Variants in CNTN6 observed in about 807,000 individuals in gnomAD.
The protein encoded by CNTN6 is contactin 6.
CNTN6 carries 137 observed loss-of-function variants against 122.8 expected under a neutral mutation model. The observed-to-expected ratio is 1.12, with a 90% CI of 0.97 to 1.29. The LOEUF (loss-of-function observed/expected upper bound fraction) is 1.29, where lower values mean the gene tolerates loss of function less well. Among genes scored for constraint, CNTN6 ranks in the 50% most tolerant of loss-of-function variants. The pLI, the probability that CNTN6 is intolerant of heterozygous loss-of-function variation, is 0.00. For missense variants in CNTN6, 1,634 were observed against 1,223.4 expected, an observed-to-expected ratio of 1.34 and a Z score of -5.01; for synonymous variants, 570 against 426.0, an observed-to-expected ratio of 1.34 and a Z score of -4.16.
intron 1 of CNTN6, among the ~76,000 whole-genome samples, chr3:1,141,681 C>T (rs913684447): frequency 6.6e-6 from 1 of 152,116 alleles, no homozygotes; most frequent in African/African-American, 2.4e-5. Flanking sequence ...AATTCTCCAG[C>T]GTCCAAGTCC....
intron 4 of CNTN6, among the ~76,000 whole-genome samples, chr3:1,240,863 G>C (rs1245829329): frequency 6.6e-6 from 1 of 152,156 alleles, no homozygotes; most frequent in African/African-American, 2.4e-5. Flanking sequence ...AGTCTGAAAA[G>C]AGAGTCAGTG....
intron 7 of CNTN6, among the ~76,000 whole-genome samples, chr3:1,318,408 A>G (rs1428785412): frequency 2.6e-5 from 4 of 151,776 alleles, no homozygotes; most frequent in African/African-American, 9.7e-5. Context: ...ATACTATAAT[A>G]AGAAATACTT....
intron 6 of CNTN6, among the ~76,000 whole-genome samples, chr3:1,297,132 A>C (rs2125870352): frequency 6.6e-6 from 1 of 152,264 alleles, no homozygotes; most frequent in South Asian, 2.1e-4. Flanking sequence ...TCAAGTCTTA[A>C]AAATTAAGTA....
intron 2 of CNTN6, among the ~76,000 whole-genome samples, chr3:1,187,594 G>A (rs543799173): frequency 6.6e-6 from 1 of 152,172 alleles, no homozygotes; most frequent in African/African-American, 2.4e-5. Flanking sequence ...AGTTTTCATA[G>A]GGAGGCTGGG....
intron 11 of CNTN6, among the ~76,000 whole-genome samples, chr3:1,330,683 C>T (rs1437803194): frequency 2.0e-5 from 3 of 151,806 alleles, no homozygotes; most frequent in African/African-American, 7.3e-5. Context: ...TGAAAATAGT[C>T]CCTTTCGTTC....
chr3:1,305,286 C>T (rs1397303224), intron 7 of CNTN6, among the ~76,000 whole-genome samples: 1 of 152,164 alleles, frequency 6.6e-6, no homozygotes, highest in Non-Finnish European at 1.5e-5. Context: ...TCTTAAACCA[C>T]TATAAGCTAG....
intron 11 of CNTN6, among the ~76,000 whole-genome samples, chr3:1,333,946 C>T (rs942864441): frequency 3.3e-5 from 5 of 152,044 alleles, no homozygotes; most frequent in East Asian, 1.9e-4. Context: ...CATGATTCAA[C>T]GTAATTTGAT....
chr3:1,131,697 T>C (rs778920799), intron 1 of CNTN6, among the ~76,000 whole-genome samples: 5 of 151,494 alleles, frequency 3.3e-5, no homozygotes, highest in Admixed American at 3.3e-4. Flanking sequence ...GTGATAAGAG[T>C]TTTTCAGTAA....
intron 4 of CNTN6, among the ~76,000 whole-genome samples, chr3:1,270,309 T>C (rs1474560676): frequency 1.3e-5 from 2 of 152,198 alleles, no homozygotes; most frequent in African/African-American, 4.8e-5. Context: ...TATTCATAAC[T>C]GGTCCTCTTC....
chr3:1,143,373 C>T (rs2092656121), intron 1 of CNTN6, among the ~76,000 whole-genome samples: 2 of 152,074 alleles, frequency 1.3e-5, no homozygotes, highest in Admixed American at 1.3e-4. Flanking sequence ...TAAAAGACCT[C>T]ATCTAAAACA....
At chr3:1,223,880 C>T (rs74642674) in intron 3 of CNTN6, among the ~76,000 whole-genome samples, 3,366 of 152,114 alleles carry the variant, frequency 0.022, 108 homozygotes, top group African/African-American at 0.074. Context: ...ATTCATTTCC[C>T]GCAACTTTAT....
intron 6 of CNTN6, among the ~76,000 whole-genome samples, 176 bp from the exon 7 acceptor site, chr3:1,297,713 A>C (rs554631492): frequency 6.6e-6 from 1 of 151,652 alleles, no homozygotes; most frequent in Non-Finnish European, 1.5e-5. Flanking sequence ...ATGTCACTAG[A>C]AAAGTGTCTT....
At chr3:1,191,287 T>C (rs1575175349) in intron 2 of CNTN6, among the ~76,000 whole-genome samples, 1 of 152,168 alleles carries the variant, frequency 6.6e-6, no homozygotes, top group African/African-American at 2.4e-5. Flanking sequence ...AGCTTCAGAA[T>C]GGGAGCTGGC....
chr3:1,372,457 T>C lies in CNTN6; in HGVS notation c.1651T>C (p.Phe551Leu). Residue 551 changes from phenylalanine (F) to leucine (L), a missense_variant, in exon 13 of 23, where the codon TTT becomes CTT. By Grantham distance (22) the Phe-to-Leu change is conservative. Coordinates refer to ENST00000446702, the MANE Select transcript of CNTN6 (RefSeq NM_001289080.2). Reference sequence around the variant, plus strand: ...AGACTTAAAAAAAGGAGTGGCTCATTTTGAAAGGATTGGAGGAGTAAGTTA... The same window carrying C: ...AGACTTAAAAAAAGGAGTGGCTCATCTTGAAAGGATTGGAGGAGTAAGTTA... ...VIDLKKGVAH[F>L]ERIGGESVGD... 6.2e-7 allele frequency: 1 copy of C among 1,610,822 alleles called. No homozygotes were observed. The highest frequency in any genetic ancestry group is 8.5e-7 in the Non-Finnish European group (1 of 1,178,794).
chr3:1,130,534 C>T (rs2092309300), intron 1 of CNTN6, among the ~76,000 whole-genome samples: 1 of 152,092 alleles, frequency 6.6e-6, no homozygotes, highest in Non-Finnish European at 1.5e-5. Flanking sequence ...TTGTTCTGCA[C>T]CACCTTCCAG....
chr3:1,301,388 G>A (rs928680457), intron 7 of CNTN6, among the ~76,000 whole-genome samples: 7 of 152,106 alleles, frequency 4.6e-5, no homozygotes, highest in African/African-American at 1.7e-4. Flanking sequence ...AAAAATTTGA[G>A]TTGGAAAATT....
chr3:1,134,003 C>CT (rs5846090), intron 1 of CNTN6, among the ~76,000 whole-genome samples: 72,268 of 151,622 alleles, frequency 0.48, 17,475 homozygotes, highest in Non-Finnish European at 0.49. Context: ...GCCAGTTAAT[C>CT]TTTTTTTTCA....
intron 5 of CNTN6, among the ~76,000 whole-genome samples, chr3:1,283,418 T>C (rs1693808617): frequency 6.6e-6 from 1 of 152,108 alleles, no homozygotes; most frequent in Non-Finnish European, 1.5e-5. Flanking sequence ...TCACAAAAAA[T>C]GTCGGCACAA....
chr3:1,327,347 C>T, intron 9 of CNTN6, 110 bp from the exon 10 acceptor site: 1 of 1,209,462 alleles, frequency 8.3e-7, no homozygotes, highest in South Asian at 1.4e-5. Flanking sequence ...ATTAATACAC[C>T]AAATTATCAG....
Sources: gnomAD v4.1 joint callset for allele counts (sites outside exome capture counted in the v4.1 genomes callset) on GRCh38, gnomAD v4.1.1 for gene constraint, MANE v1.5 for transcripts, NCBI Gene and HGNC (gene_info 2026-07-23, HGNC 2026-07-21) for gene names.